B4GALNT2: variants seen among roughly 807,000 people sequenced by gnomAD.
The protein encoded by B4GALNT2 is beta-1,4-N-acetyl-galactosaminyltransferase 2 (SID blood group), also known as N-acetylneuraminylgalactosylglucosyl-glucoside beta-1,4-N- acetylgalactosaminyltransferase 2.
Under a neutral mutation model 51.1 loss-of-function variants are expected in B4GALNT2, and 42 were observed. The ratio of observed to expected loss-of-function variants is 0.82; its 90% CI spans 0.64 to 1.06. The LOEUF (loss-of-function observed/expected upper bound fraction) is 1.06. Among genes scored for constraint, B4GALNT2 ranks in the 50% least tolerant of loss-of-function variants. B4GALNT2 has a pLI of 0.00. For synonymous variants in B4GALNT2, 253 were observed against 251.7 expected (o/e 1.01, Z -0.05); for missense variants, 602 against 633.6 (o/e 0.95, Z 0.54).
chr17:49,155,572 A>C (rs2042801410), intron 4 of B4GALNT2, among the ~76,000 whole-genome samples: 1 of 150,178 alleles, frequency 6.7e-6, no homozygotes, highest in South Asian at 2.1e-4. Context: ...ACTGCACTCC[A>C]GCCTGAGCGA....
At chr17:49,143,919 A>G (rs1031644551) in intron 3 of B4GALNT2, among the ~76,000 whole-genome samples, 8 of 152,148 alleles carry the variant, frequency 5.3e-5, no homozygotes, top group African/African-American at 1.9e-4. Flanking sequence ...AGGCCAAGAC[A>G]GGTGAACCAC....
At chr17:49,143,038 C>T (rs889463823) in intron 3 of B4GALNT2, among the ~76,000 whole-genome samples, 11 of 152,272 alleles carry the variant, frequency 7.2e-5, no homozygotes, top group African/African-American at 2.6e-4. Flanking sequence ...CACTTGAGGT[C>T]AGGAGTTCGA....
In B4GALNT2 at chr17:49,168,895, A is replaced by G. The variant is rs772376416; in HGVS notation, c.1310A>G (p.His437Arg). 1 of 1,611,830 alleles carries G rather than the reference A, an allele frequency of 6.2e-7. No individual in the cohort carries two copies. The highest frequency in any genetic ancestry group is 8.5e-7 in the Non-Finnish European group (1 of 1,179,626). The change falls in exon 10 of 11, where the codon CAC (histidine) becomes CGC (arginine). Residue 437 changes from histidine to arginine, a missense_variant. His to Arg is a conservative substitution (Grantham distance 29, BLOSUM62 0). Coordinates refer to ENST00000393354, the MANE Select transcript of B4GALNT2 (RefSeq NM_001159387.2). ...GATCCCCGCCTGCAACGAGTGGCTC[A>G]CTCAGGTGGGAAGGCTGAAAGAGTG... is the stretch of plus-strand genomic sequence containing the variant. ...GFDPRLQRVA[H>R]SEFFIDGLGT...
At chr17:49,162,345 T>A (rs971201339) in intron 7 of B4GALNT2, among the ~76,000 whole-genome samples, 1 of 152,114 alleles carries the variant, frequency 6.6e-6, no homozygotes, top group Non-Finnish European at 1.5e-5. Context: ...TTTTAGCCAT[T>A]AAAATATATG....
At position 49,175,550 on chromosome 17, in the gene B4GALNT2, G is replaced by A. The variant is rs1326974797; in HGVS notation, c.*5822G>A. On this transcript the variant is annotated 3_prime_UTR_variant, in exon 11 of 11. Transcript: ENST00000393354. The stretch of plus-strand genomic sequence containing the variant: ...ACAGACCCCTATTGGAACTTTTTGT[G>A]GGGATTCCCCAAGCATAAGGCTCAC... 1.3e-5 allele frequency: 2 copies of A among 150,802 alleles called. No homozygotes were observed. Among genetic ancestry groups the A allele is most frequent in the Non-Finnish European group, 2.9e-5 (2 of 68,044 alleles). The allele number at this position is 150,802 out of a possible 1,614,324, so 9.3% of individuals were successfully genotyped here. A position where few individuals can be genotyped will look rare whatever the true frequency, so the allele number is the denominator to read the frequency against.
At chr17:49,162,912 C>CAAAA (rs34568226) in intron 7 of B4GALNT2, among the ~76,000 whole-genome samples, 18,165 of 52,866 alleles carry the variant, frequency 0.34, 4,229 homozygotes, top group Middle Eastern at 0.4. Context: ...GAAACTGTCT[C>CAAAA]AAAAAAAAAA....
rs1271584027 is a variant in B4GALNT2 at position 49,161,136 on chromosome 17, G to A, written c.766+495G>A. 2.6e-5 allele frequency among the ~76,000 whole-genome samples: 4 copies of A among 152,090 alleles called. No homozygotes were observed. In the East Asian group the frequency reaches 5.8e-4, roughly 22 times the overall value. ...CTAAAAATACACAAATTAGCTGGGC[G>A]TGGTGGCAGGCACCTGTAATCCCTG... On this transcript the variant is annotated intron_variant, in intron 7 of 10. Coordinates refer to ENST00000393354, the MANE Select transcript of B4GALNT2 (RefSeq NM_001159387.2).
chr17:49,142,230 T>A, intron 3 of B4GALNT2, 58 bp downstream of exon 3: 1 of 1,597,504 alleles, frequency 6.3e-7, no homozygotes, highest in Non-Finnish European at 8.6e-7. Flanking sequence ...CCTCCCTATG[T>A]CCTGAGGTTG....
At position 49,156,132 on chromosome 17, in the gene B4GALNT2, C is replaced by T. The variant is rs201471210; in HGVS notation, c.461-434C>T. On this transcript the variant is annotated intron_variant, in intron 4 of 10. Transcript: ENST00000393354. ...ACCACCAGAACTTTTCCATCATTCC[C>T]AACTGAAACTCTGTACCCATCCAAC... Among the ~76,000 whole-genome samples, 5 of 152,202 alleles carry T rather than the reference C, an allele frequency of 3.3e-5. No homozygotes were observed. In the East Asian group the frequency reaches 9.6e-4, roughly 29 times the overall value.
intron 3 of B4GALNT2, among the ~76,000 whole-genome samples, chr17:49,149,986 G>A (rs2042733173): frequency 6.6e-6 from 1 of 152,132 alleles, no homozygotes; most frequent in South Asian, 2.1e-4. Context: ...AGCTGAGTAT[G>A]TTCCATATGT....
upstream of B4GALNT2, among the ~76,000 whole-genome samples, chr17:49,130,447 G>T (rs1014037217): frequency 6.6e-6 from 1 of 152,200 alleles, no homozygotes. Flanking sequence ...AGACCAGCCT[G>T]ACCAACATGG....
chr17:49,127,842 G>T (rs2144255527), upstream of B4GALNT2, among the ~76,000 whole-genome samples: 1 of 152,120 alleles, frequency 6.6e-6, no homozygotes, highest in East Asian at 1.9e-4. Context: ...GTGCCTTTTT[G>T]TTTTCCCAAG....
chr17:49,147,370 C>CTTTTTTTTTTTT (rs1216908911), intron 3 of B4GALNT2, among the ~76,000 whole-genome samples: 1 of 144,214 alleles, frequency 6.9e-6, no homozygotes, highest in African/African-American at 2.6e-5. Context: ...CTTTTCTTTT[C>CTTTTTTTTTTTT]TTTCTTTCTT....
upstream of B4GALNT2, among the ~76,000 whole-genome samples, chr17:49,129,190 C>CAG (rs35327541): frequency 1.6e-4 from 24 of 148,716 alleles, no homozygotes; most frequent in East Asian, 1.6e-3. Flanking sequence ...AAGAGAGAGA[C>CAG]AGAGAGAGAG....
intron 1 of B4GALNT2, among the ~76,000 whole-genome samples, chr17:49,134,920 AT>A (rs950654028): frequency 2.6e-5 from 4 of 152,180 alleles, no homozygotes; most frequent in African/African-American, 9.7e-5. Flanking sequence ...AACTATGTTC[AT>A]CCTACAATGT....
intron 1 of B4GALNT2, chr17:49,133,220 G>GT: frequency 2.0e-6 from 3 of 1,488,568 alleles, no homozygotes; most frequent in Non-Finnish European, 2.7e-6. Context: ...GCCGTCAGGG[G>GT]TATGTGAGTG....
chr17:49,141,936 T>TCTCGGTGGTCGCCG, intron 2 of B4GALNT2, 99 bp from the exon 3 acceptor site: 2 of 1,481,072 alleles, frequency 1.4e-6, no homozygotes, highest in Admixed American at 1.7e-5. Flanking sequence ...GGAAAGAAGA[T>TCTCGGTGGTCGCCG]TTTCAGGGTA....
At chr17:49,126,059 G>C in the B4GALNT2 span, among the ~76,000 whole-genome samples, 76,409 of 151,354 alleles carry the variant, frequency 0.5, 19,695 homozygotes, top group Middle Eastern at 0.6. Flanking sequence ...GAATAGAAAG[G>C]GGGGAAAGGT....
At chr17:49,133,025 A>T (rs1380265671) in intron 1 of B4GALNT2, 1 of 1,485,440 alleles carries the variant, frequency 6.7e-7, no homozygotes, top group Admixed American at 2.8e-5. Flanking sequence ...CACCCCCAGG[A>T]ATGGGGAGCG....
Sources: gnomAD v4.1 joint callset for allele counts (sites outside exome capture counted in the v4.1 genomes callset) on GRCh38, gnomAD v4.1.1 for gene constraint, MANE v1.5 for transcripts, NCBI Gene and HGNC (gene_info 2026-07-23, HGNC 2026-07-21) for gene names.